Variants in AUTS2 observed in about 807,000 individuals in gnomAD.
AUTS2 encodes autism susceptibility gene 2 protein.
In AUTS2, 17 loss-of-function variants were observed where a neutral mutation model predicts 112.4. The observed-to-expected ratio is 0.15, with a 90% CI of 0.10 to 0.23. The LOEUF (loss-of-function observed/expected upper bound fraction) is 0.23, where lower values mean the gene tolerates loss of function less well. Ranked by LOEUF, AUTS2 falls within the 10% of genes least tolerant of loss-of-function variation. The pLI is 1.00. For missense variants in AUTS2, 1,510 were observed against 1,701.6 expected (o/e 0.89, Z 1.98); for synonymous variants, 751 against 702.7 (o/e 1.07, Z -1.09).
At chr7:69,809,370 G>A (rs117302596) in intron 1 of AUTS2, among the ~76,000 whole-genome samples, 2,791 of 152,220 alleles carry the variant, frequency 0.018, 35 homozygotes, top group Non-Finnish European at 0.031. Context: ...GAGCCACCAC[G>A]CCTGGCCGAT....
chr7:70,228,994 T>C (rs1458160592), intron 4 of AUTS2, among the ~76,000 whole-genome samples: 2 of 151,906 alleles, frequency 1.3e-5, no homozygotes, highest in Non-Finnish European at 2.9e-5. Flanking sequence ...AACTATATTC[T>C]TTCTCTCTTT....
intron 5 of AUTS2, among the ~76,000 whole-genome samples, chr7:70,600,420 C>T (rs903112895): frequency 1.2e-4 from 19 of 152,018 alleles, no homozygotes; most frequent in Non-Finnish European, 2.2e-4. Flanking sequence ...GGACTACAGG[C>T]GCCCGCCACC....
chr7:69,617,668 G>A (rs540345127), intron 1 of AUTS2, among the ~76,000 whole-genome samples: 1 of 152,294 alleles, frequency 6.6e-6, no homozygotes, highest in Non-Finnish European at 1.5e-5. Flanking sequence ...AGGTCACCCA[G>A]CTGATGTATA....
intron 6 of AUTS2, among the ~76,000 whole-genome samples, chr7:70,701,491 T>C (rs1809457376): frequency 6.6e-6 from 1 of 152,224 alleles, no homozygotes; most frequent in Non-Finnish European, 1.5e-5. Flanking sequence ...ACAGTGAGTA[T>C]ATTTTATATC....
intron 4 of AUTS2, among the ~76,000 whole-genome samples, chr7:70,254,149 G>T (rs1424989690): frequency 6.6e-6 from 1 of 152,096 alleles, no homozygotes; most frequent in Non-Finnish European, 1.5e-5. Context: ...TTCAGTGGAA[G>T]TATCAGTCTT....
At chr7:70,178,636 C>T (rs549692262) in intron 4 of AUTS2, among the ~76,000 whole-genome samples, 27 of 152,188 alleles carry the variant, frequency 1.8e-4, no homozygotes, top group Admixed American at 1.4e-3. Flanking sequence ...CCCGTCTCTA[C>T]TAAAAATACA....
At chr7:70,757,353 A>G (rs1789275514) in intron 6 of AUTS2, among the ~76,000 whole-genome samples, 2 of 152,088 alleles carry the variant, frequency 1.3e-5, no homozygotes, top group African/African-American at 2.4e-5. Flanking sequence ...TATTAGTTCT[A>G]ATATTTTCTC....
At chr7:69,725,011 C>T (rs1246665994) in intron 1 of AUTS2, among the ~76,000 whole-genome samples, 1 of 152,110 alleles carries the variant, frequency 6.6e-6, no homozygotes, top group East Asian at 1.9e-4. Flanking sequence ...AGTTTTTAAT[C>T]TTCAGTCCTT....
chr7:70,227,457 C>G (rs180945414), intron 4 of AUTS2, among the ~76,000 whole-genome samples: 11 of 152,106 alleles, frequency 7.2e-5, no homozygotes, highest in Admixed American at 3.9e-4. Flanking sequence ...TAACCATCAC[C>G]ACAATATGAT....
At chr7:70,056,565 C>G (rs1350143518) in intron 2 of AUTS2, among the ~76,000 whole-genome samples, 2 of 152,144 alleles carry the variant, frequency 1.3e-5, no homozygotes, top group African/African-American at 4.8e-5. Flanking sequence ...TCAATGAATT[C>G]AAGTGTTTAG....
At chr7:69,661,269 A>C (rs1023557701) in intron 1 of AUTS2, among the ~76,000 whole-genome samples, 1 of 152,220 alleles carries the variant, frequency 6.6e-6, no homozygotes, top group African/African-American at 2.4e-5. Flanking sequence ...AAATGTTGTA[A>C]AAATTCTAAA....
intron 4 of AUTS2, among the ~76,000 whole-genome samples, chr7:70,188,967 T>C (rs982587765): frequency 6.6e-6 from 1 of 151,998 alleles, no homozygotes; most frequent in Non-Finnish European, 1.5e-5. Flanking sequence ...AAGGTACCAA[T>C]AGGAAATTTT....
chr7:70,160,395 A>T (rs1808013179), intron 4 of AUTS2, among the ~76,000 whole-genome samples: 1 of 152,176 alleles, frequency 6.6e-6, no homozygotes, highest in African/African-American at 2.4e-5. Context: ...TAGATGTGTG[A>T]ATTCTTGACT....
chr7:69,611,936 C>CAA (rs896215968), intron 1 of AUTS2, among the ~76,000 whole-genome samples: 16 of 85,762 alleles, frequency 1.9e-4, no homozygotes, highest in African/African-American at 4.4e-4. Flanking sequence ...GACTCCGTCT[C>CAA]AAAAAAAAAA....
chr7:69,809,210 G>C (rs916888807), intron 1 of AUTS2, among the ~76,000 whole-genome samples: 1 of 152,086 alleles, frequency 6.6e-6, no homozygotes, highest in African/African-American at 2.4e-5. Context: ...CAGTAGCTGG[G>C]ACTGCAGGCA....
At chr7:69,817,863 A>G (rs1361158361) in intron 1 of AUTS2, among the ~76,000 whole-genome samples, 1 of 152,108 alleles carries the variant, frequency 6.6e-6, no homozygotes, top group African/African-American at 2.4e-5. Flanking sequence ...CTGCAAAGCT[A>G]CCTAATAATA....
At chr7:70,455,563 A>ATCACAG (rs1796705087) in intron 5 of AUTS2, among the ~76,000 whole-genome samples, 1 of 152,176 alleles carries the variant, frequency 6.6e-6, no homozygotes, top group African/African-American at 2.4e-5. Context: ...CTGGCTACAC[A>ATCACAG]TCACAGTCAC....
chr7:70,049,243 A>T (rs1004429385), intron 2 of AUTS2, among the ~76,000 whole-genome samples: 6 of 152,192 alleles, frequency 3.9e-5, no homozygotes, highest in Admixed American at 6.5e-5. Context: ...ACAATCCAGT[A>T]GTGTTGTCAT....
At chr7:70,260,099 C>G (rs1787087884) in intron 4 of AUTS2, among the ~76,000 whole-genome samples, 1 of 152,050 alleles carries the variant, frequency 6.6e-6, no homozygotes, top group Non-Finnish European at 1.5e-5. Context: ...GGCGCGGTGG[C>G]TCACACCTGT....
Sources: gnomAD v4.1 joint callset for allele counts (sites outside exome capture counted in the v4.1 genomes callset) on GRCh38, gnomAD v4.1.1 for gene constraint, MANE v1.5 for transcripts, NCBI Gene and HGNC (gene_info 2026-07-23, HGNC 2026-07-21) for gene names.